PIGH: variants seen among roughly 807,000 people sequenced by gnomAD.
The protein encoded by PIGH is phosphatidylinositol glycan anchor biosynthesis class H.
A neutral mutation model predicts 20.1 loss-of-function variants in PIGH; 11 were observed. That is an observed-to-expected ratio of 0.55 (90% CI 0.34 to 0.91). The LOEUF (loss-of-function observed/expected upper bound fraction) is 0.91. PIGH is among the 40% of genes least tolerant of loss of function. The pLI is 0.02. For synonymous variants in PIGH, 72 were observed against 93.1 expected, an observed-to-expected ratio of 0.77 and a Z score of 1.31; for missense variants, 189 against 233.6, an observed-to-expected ratio of 0.81 and a Z score of 1.24.
intron 1 of PIGH, among the ~76,000 whole-genome samples, chr14:67,599,005 T>C (rs1049630453): frequency 1.3e-5 from 2 of 152,212 alleles, no homozygotes; most frequent in Non-Finnish European, 2.9e-5. Context: ...GTACAGTGCT[T>C]TGCCTGAACA....
chr14:67,592,164 C>G (rs1169067583), intron 3 of PIGH: 1 of 195,950 alleles, frequency 5.1e-6, no homozygotes, highest in Admixed American at 5.5e-5. Flanking sequence ...GCCAGGTATG[C>G]TGGCTCATGC....
chr14:67,589,315 A>C, downstream of PIGH: 2 of 974,872 alleles, frequency 2.1e-6, no homozygotes, highest in Non-Finnish European at 2.4e-6. Flanking sequence ...AAAGGATTCA[A>C]TATTTGCTTA....
intron 1 of PIGH, among the ~76,000 whole-genome samples, 197 bp downstream of exon 1, chr14:67,599,827 C>G (rs983370765): frequency 2.6e-5 from 4 of 152,214 alleles, no homozygotes; most frequent in Non-Finnish European, 4.4e-5. Flanking sequence ...TATCCAGGAG[C>G]ACACATTTCA....
At position 67,599,936 on chromosome 14, in the gene PIGH, G is replaced by C. The variant is rs909675911; in HGVS notation, c.180+88C>G. On this transcript the variant is annotated intron_variant, in intron 1 of 3. Coordinates refer to ENST00000216452, the MANE Select transcript of PIGH (RefSeq NM_004569.5). ...CTATCACTGTAGGAGGGGCCGACCA[G>C]AGGTCCGGGCTCGACCAAAGACCCC... 4.4e-6 allele frequency: 5 copies of C among 1,142,072 alleles called. No individual in the cohort carries two copies. The Admixed American group carries it at 1.4e-4, about 31-fold the overall frequency. 70.7% of individuals were successfully genotyped at this position (1,142,072 alleles called of 1,614,324 possible). A position where few individuals can be genotyped will look rare whatever the true frequency, so the allele number is the denominator to read the frequency against.
At chr14:67,598,602 C>T (rs1305201226) in intron 1 of PIGH, among the ~76,000 whole-genome samples, 1 of 152,060 alleles carries the variant, frequency 6.6e-6, no homozygotes, top group East Asian at 1.9e-4. Context: ...TGACCACATA[C>T]ATAGGCTATA....
At chr14:67,596,006 T>C (rs28417709) in intron 1 of PIGH, among the ~76,000 whole-genome samples, 4,086 of 152,328 alleles carry the variant, frequency 0.027, 152 homozygotes, top group African/African-American at 0.087. Flanking sequence ...ATGGTGTCTA[T>C]TATTTATTCC....
chr14:67,595,757 C>T (rs1034434656), intron 1 of PIGH, among the ~76,000 whole-genome samples: 3 of 67,938 alleles, frequency 4.4e-5, no homozygotes, highest in African/African-American at 1.1e-4. Flanking sequence ...AACTAGAGGA[C>T]GCTAAGGGTG....
At position 67,589,824 on chromosome 14, in the gene PIGH, A is replaced by T. The variant is rs2036314883; in HGVS notation, c.*256T>A. 1.7e-6 allele frequency: 2 copies of T among 1,175,966 alleles called. No individual in the cohort carries two copies. The highest frequency in any genetic ancestry group is 3.2e-5 in the African/African-American group (2 of 63,182). The allele number at this position is 1,175,966 out of a possible 1,614,324, so 72.8% of individuals were successfully genotyped here. A position where few individuals can be genotyped will look rare whatever the true frequency, so the allele number is the denominator to read the frequency against. On this transcript the variant is annotated 3_prime_UTR_variant, in exon 4 of 4. Coordinates refer to ENST00000216452, the MANE Select transcript of PIGH (RefSeq NM_004569.5). Reference sequence around the variant, plus strand: ...GTGTTCTTTGCTGACATTACTTTTGACATACTGTGTCAAAATTCTTAAGGT... The same window carrying T: ...GTGTTCTTTGCTGACATTACTTTTGTCATACTGTGTCAAAATTCTTAAGGT...
chr14:67,599,187 T>C (rs2036528255), intron 1 of PIGH, among the ~76,000 whole-genome samples: 1 of 152,236 alleles, frequency 6.6e-6, no homozygotes, highest in Non-Finnish European at 1.5e-5. Flanking sequence ...CTGCTGTACT[T>C]AGCTCTGATT....
At position 67,592,622 on chromosome 14, in the gene PIGH, A is replaced by G. The variant is rs78803922; in HGVS notation, c.474+13T>C. ...GGAGTAATTGGAGAATGGTAAAAGT[A>G]TTCTATGCTCACCTGGAAGACGGGT... On this transcript the variant is annotated intron_variant, in intron 3 of 3. Coordinates refer to ENST00000216452, the MANE Select transcript of PIGH (RefSeq NM_004569.5). The G allele has an allele frequency of 0.012, 17,709 of 1,522,276 alleles. 830 individuals carry two copies. In the East Asian group the frequency reaches 0.12, roughly 11 times the overall value. The allele number at this position is 1,522,276 out of a possible 1,614,324, so 94.3% of individuals were successfully genotyped here. A position where few individuals can be genotyped will look rare whatever the true frequency, so the allele number is the denominator to read the frequency against.
chr14:67,598,402 G>T (rs1417776449), intron 1 of PIGH, among the ~76,000 whole-genome samples: 2 of 152,174 alleles, frequency 1.3e-5, no homozygotes, highest in African/African-American at 4.8e-5. Flanking sequence ...TAAAGGAAAA[G>T]AAAGGGTCTC....
chr14:67,590,137 T>A lies in PIGH; in HGVS notation c.510A>T (p.Val170=), dbSNP rs774149151. 1.2e-5 allele frequency: 18 copies of A among 1,551,320 alleles called. No homozygotes were observed. The East Asian group carries it at 2.9e-4, about 25-fold the overall frequency. The change falls in exon 4 of 4, where the codon GTA becomes GTT. Residue 170 remains valine, a synonymous_variant. Coordinates refer to ENST00000216452, the MANE Select transcript of PIGH (RefSeq NM_004569.5). ...AKPRLDCLIE[V]YRSCQEILAH... ...CCAGGATCTCCTGGCAGCTCCTGTATACTTCAATCAAGCAGTCCAGCCGGG... is the reference window on the plus strand; with the variant it reads ...CCAGGATCTCCTGGCAGCTCCTGTAAACTTCAATCAAGCAGTCCAGCCGGG...
chr14:67,600,033 G>A lies in PIGH; in HGVS notation c.171C>T (p.Thr57=), dbSNP rs1280146695. Residue 57 remains threonine (T), a synonymous_variant, in exon 1 of 4, where the codon ACC becomes ACT. Coordinates refer to ENST00000216452, the MANE Select transcript of PIGH (RefSeq NM_004569.5). ...TVWLAAYGLF[T]LCENSMILSA... Reference sequence around the variant, plus strand: ...GCCGACTTGCCATTACCTCGCAGAGGGTGAAGAGTCCGTAGGCCGCCAGCC... The same window carrying A: ...GCCGACTTGCCATTACCTCGCAGAGAGTGAAGAGTCCGTAGGCCGCCAGCC... 1 of 1,570,692 alleles carries A rather than the reference G, an allele frequency of 6.4e-7. No individual in the cohort carries two copies. Among genetic ancestry groups the A allele is most frequent in the Non-Finnish European group, 8.6e-7 (1 of 1,159,702 alleles).
chr14:67,592,535 A>T, intron 3 of PIGH, 100 bp downstream of exon 3: 1 of 691,852 alleles, frequency 1.4e-6, no homozygotes, highest in Non-Finnish European at 2.6e-6. Flanking sequence ...CACTCAAAAC[A>T]GCTGTCAGGT....
chr14:67,595,122 GCGAGACTC>G (rs2036448619), intron 1 of PIGH, among the ~76,000 whole-genome samples: 2 of 147,056 alleles, frequency 1.4e-5, no homozygotes, highest in African/African-American at 5.0e-5. Flanking sequence ...GGGTGACAGA[GCGAGACTC>G]CGTCTAAAAA....
intron 1 of PIGH, among the ~76,000 whole-genome samples, chr14:67,595,827 G>A (rs865877856): frequency 1.3e-5 from 2 of 152,204 alleles, no homozygotes; most frequent in African/African-American, 4.8e-5. Flanking sequence ...CACTAAGGGT[G>A]TCAGCAGTAA....
Position 67,600,104 on chromosome 14 carries a change from G to A in PIGH, c.100C>T (p.Pro34Ser). 6.3e-7 allele frequency: 1 copy of A among 1,596,394 alleles called. No individual in the cohort carries two copies. Among genetic ancestry groups the A allele is most frequent in the Non-Finnish European group, 8.5e-7 (1 of 1,171,878 alleles). ...GTGAGCGAACGCAGCGAGAGCCGAGGGCAGCTGAGGCAGAATTCCCGGCAG... is the reference window on the plus strand; with the variant it reads ...GTGAGCGAACGCAGCGAGAGCCGAGAGCAGCTGAGGCAGAATTCCCGGCAG... ...PSCREFCLSC[P>S]RLSLRSLTAV... Residue 34 changes from proline (P) to serine (S), a missense_variant, in exon 1 of 4, where the codon CCT (proline) becomes TCT (serine). Physicochemically the swap from Pro to Ser is moderately conservative, Grantham distance 74 (BLOSUM62 -1). Coordinates refer to ENST00000216452, the MANE Select transcript of PIGH (RefSeq NM_004569.5).
At chr14:67,599,932 A>G (rs1230414009) in intron 1 of PIGH, 92 bp downstream of exon 1, 11 of 1,103,592 alleles carry the variant, frequency 1.0e-5, no homozygotes, top group Admixed American at 2.7e-5. Context: ...GGAGGGGCCG[A>G]CCAGAGGTCC....
rs1014203305 is a variant in PIGH, at chr14:67,589,721, A to T, written c.*359T>A. The T allele has an allele frequency of 1.3e-5, 13 of 1,006,560 alleles. No individual in the cohort carries two copies. The African/African-American group carries it at 2.2e-4, about 17-fold the overall frequency. The allele number at this position is 1,006,560 out of a possible 1,614,324, so 62.4% of individuals were successfully genotyped here. On this transcript the variant is annotated 3_prime_UTR_variant, in exon 4 of 4. Transcript: ENST00000216452. ...TTGGAAAATATAGCTTTCTCAAGAC[A>T]TCTGATGTCAGTTTCCCATTGTTTT...
Sources: gnomAD v4.1 joint callset for allele counts (sites outside exome capture counted in the v4.1 genomes callset) on GRCh38, gnomAD v4.1.1 for gene constraint, MANE v1.5 for transcripts, NCBI Gene and HGNC (gene_info 2026-07-23, HGNC 2026-07-21) for gene names.